CLIC5: variants seen among roughly 807,000 people sequenced by gnomAD.
CLIC5 encodes CLIC family member 5, also known as chloride intracellular channel protein 5.
In CLIC5, 20 loss-of-function variants were observed where a neutral mutation model predicts 24.7. That is an observed-to-expected ratio of 0.81 (90% CI 0.57 to 1.18). CLIC5 has a LOEUF of 1.18. Ranked by LOEUF, CLIC5 falls within the 50% of genes most tolerant of loss-of-function variation. The pLI, the probability that CLIC5 is intolerant of heterozygous loss-of-function variation, is 0.00. For missense variants in CLIC5, 341 were observed against 326.1 expected (o/e 1.05, Z -0.35); for synonymous variants, 159 against 135.6 (o/e 1.17, Z -1.20).
At chr6:45,914,206 C>T in intron 5 of CLIC5, 22 bp downstream of exon 5, 1 of 1,532,940 alleles carries the variant, frequency 6.5e-7, no homozygotes, top group Non-Finnish European at 8.9e-7. Flanking sequence ...CTTGCAGGCC[C>T]CTGTGGGTAG....
At chr6:46,059,712 C>T (rs193226898) in intron 1 of CLIC5, among the ~76,000 whole-genome samples, 221 of 152,264 alleles carry the variant, frequency 1.5e-3, no homozygotes, top group East Asian at 6.0e-3. Context: ...TAGGTTTGCC[C>T]GGATTGCAAG....
chr6:45,985,647 G>C (rs1325578575), intron 1 of CLIC5, among the ~76,000 whole-genome samples: 1 of 152,080 alleles, frequency 6.6e-6, no homozygotes, highest in African/African-American at 2.4e-5. Flanking sequence ...ATTAGGATCA[G>C]AAGTCCTAAT....
chr6:45,906,825 G>A (rs529126561), intron 5 of CLIC5, among the ~76,000 whole-genome samples: 2 of 152,228 alleles, frequency 1.3e-5, no homozygotes, highest in African/African-American at 4.8e-5. Context: ...GCCTCCCAAA[G>A]TGCTGGGATT....
chr6:46,119,205 T>C, the CLIC5 span, among the ~76,000 whole-genome samples: 3 of 152,314 alleles, frequency 2.0e-5, no homozygotes, highest in East Asian at 1.9e-4. Context: ...AGAGCAGTCA[T>C]AGGAAACTAC....
At chr6:45,993,744 G>A (rs1581837000) in intron 1 of CLIC5, among the ~76,000 whole-genome samples, 1 of 152,146 alleles carries the variant, frequency 6.6e-6, no homozygotes, top group East Asian at 1.9e-4. Flanking sequence ...AAAAACAAGG[G>A]CCACTAGAGT....
In CLIC5 at chr6:45,940,068, T is replaced by C. The variant is rs191280291; in HGVS notation, c.406+1479A>G. Among the ~76,000 whole-genome samples the C allele has an allele frequency of 2.0e-5, 3 of 152,324 alleles. No individual in the cohort carries two copies. The East Asian group carries it at 5.8e-4, about 29-fold the overall frequency. ...AAACCCAAGCCCTCCAAGCTGGCAC[T>C]GTGGGCTTCAGTCACTTTTTCCAGT... On this transcript the variant is annotated intron_variant, in intron 4 of 5. Coordinates refer to ENST00000339561, the MANE Select transcript of CLIC5 (RefSeq NM_016929.5).
At chr6:45,975,388 C>T (rs1415746654) in intron 1 of CLIC5, among the ~76,000 whole-genome samples, 2 of 152,134 alleles carry the variant, frequency 1.3e-5, no homozygotes, top group Admixed American at 6.5e-5. Flanking sequence ...TAAAGTGATG[C>T]CCACGTGGCT....
Position 45,912,180 on chromosome 6 carries a change from G to T in CLIC5, c.588+2048C>A, listed in dbSNP as rs915704740. 6 of 986,420 alleles carry T rather than the reference G, an allele frequency of 6.1e-6. No homozygotes were observed. In the South Asian group the frequency reaches 1.9e-4, roughly 31 times the overall value. The allele number at this position is 986,420 out of a possible 1,614,324, so 61.1% of individuals were successfully genotyped here. ...GAAGCCAAACTGGAGGCCTGACTTG[G>T]CTTCCCCTTCGCTCTTTGTGAACTT... On this transcript the variant is annotated intron_variant, in intron 5 of 5. Transcript: ENST00000339561.
chr6:46,006,006 A>G (rs1417589709), intron 1 of CLIC5, among the ~76,000 whole-genome samples: 68 of 122,624 alleles, frequency 5.5e-4, no homozygotes, highest in African/African-American at 1.8e-3. Flanking sequence ...ATATTTATAT[A>G]TATATATATA....
At chr6:46,024,385 T>C (rs920782788) in intron 1 of CLIC5, among the ~76,000 whole-genome samples, 11 of 152,194 alleles carry the variant, frequency 7.2e-5, no homozygotes, top group African/African-American at 2.7e-4. Context: ...TGGGATCCAA[T>C]GAGATTCAAT....
At chr6:45,947,084 T>A (rs1172602944) in intron 3 of CLIC5, among the ~76,000 whole-genome samples, 1 of 152,064 alleles carries the variant, frequency 6.6e-6, no homozygotes, top group Non-Finnish European at 1.5e-5. Flanking sequence ...CCAGCTCTAT[T>A]TGGATCATGG....
chr6:45,929,976 C>T (rs766875570), intron 4 of CLIC5, among the ~76,000 whole-genome samples: 8 of 152,134 alleles, frequency 5.3e-5, no homozygotes, highest in Non-Finnish European at 1.2e-4. Context: ...GACAGGGCCA[C>T]TGTGACACGG....
At chr6:45,887,076 A>T (rs1264506540) in intron 6 of CLIC5, among the ~76,000 whole-genome samples, 1 of 152,196 alleles carries the variant, frequency 6.6e-6, no homozygotes, top group South Asian at 2.1e-4. Flanking sequence ...TACTTGGATG[A>T]CATTCCATTT....
chr6:46,089,249 T>C, the CLIC5 span, among the ~76,000 whole-genome samples: 1 of 152,134 alleles, frequency 6.6e-6, no homozygotes, highest in Non-Finnish European at 1.5e-5. Flanking sequence ...CATATTGTTT[T>C]AGCAAAATGC....
rs1431611302 is a variant in CLIC5 at position 46,015,578 on chromosome 6, G to T, written c.-36C>A. ...CCCGGGGCTACCGTCCCGGGCCGGG[G>T]AGGCGCCACCTCTGCAGCACCTGGG... On this transcript the variant is annotated 5_prime_UTR_variant, in exon 1 of 6. Coordinates refer to ENST00000339561, the MANE Select transcript of CLIC5 (RefSeq NM_016929.5). 2.6e-6 allele frequency: 4 copies of T among 1,543,126 alleles called. No individual in the cohort carries two copies. The African/African-American group carries it at 5.6e-5, about 22-fold the overall frequency.
chr6:45,883,402 C>G (rs1047644583), intron 6 of CLIC5, among the ~76,000 whole-genome samples: 1 of 152,190 alleles, frequency 6.6e-6, no homozygotes, highest in Non-Finnish European at 1.5e-5. Flanking sequence ...TTTTCCAACT[C>G]TAACATTCTA....
chr6:46,041,520 T>A (rs1041320524), intron 1 of CLIC5, among the ~76,000 whole-genome samples: 1 of 152,236 alleles, frequency 6.6e-6, no homozygotes, highest in Non-Finnish European at 1.5e-5. Context: ...AGTTCTTCGT[T>A]CCTCACTTTA....
chr6:45,981,160 T>C (rs2127414133), intron 1 of CLIC5, among the ~76,000 whole-genome samples: 1 of 152,074 alleles, frequency 6.6e-6, no homozygotes, highest in Middle Eastern at 3.4e-3. Context: ...TGTAGAGATG[T>C]GGTTTTTCCA....
the CLIC5 span, among the ~76,000 whole-genome samples, chr6:46,100,401 C>G: frequency 0.47 from 71,159 of 152,142 alleles, 17,398 homozygotes; most frequent in South Asian, 0.69. Flanking sequence ...CCTTTGTTAT[C>G]CAGCAGCTCC....
Sources: allele counts gnomAD v4.1 joint callset (sites outside exome capture counted in the v4.1 genomes callset), GRCh38; gene constraint gnomAD v4.1.1; transcripts MANE v1.5; gene names NCBI Gene and HGNC (gene_info 2026-07-23, HGNC 2026-07-21).